Variants in NEMP2 observed in about 807,000 individuals in gnomAD.
NEMP2 encodes the protein nuclear envelope integral membrane protein 2.
NEMP2 carries 53 observed loss-of-function variants against 54.2 expected under a neutral mutation model. That is an observed-to-expected ratio of 0.98 (90% CI 0.78 to 1.23). The LOEUF is 1.23. Ranked by LOEUF, NEMP2 falls within the 50% of genes most tolerant of loss-of-function variation. The pLI is 0.00. For synonymous variants in NEMP2, 197 were observed against 190.3 expected (o/e 1.04, Z -0.29); for missense variants, 455 against 511.3 (o/e 0.89, Z 1.06).
the NEMP2 span, among the ~76,000 whole-genome samples, chr2:190,643,880 T>C: frequency 6.6e-6 from 1 of 152,138 alleles, no homozygotes; most frequent in Non-Finnish European, 1.5e-5. Context: ...AAAGCCATGA[T>C]TGTGCCACTG....
chr2:190,424,848 T>G, the NEMP2 span, among the ~76,000 whole-genome samples: 8 of 152,350 alleles, frequency 5.3e-5, no homozygotes, highest in African/African-American at 1.9e-4. The surrounding 1 kb of genome is among the most constrained non-coding windows in gnomAD (Gnocchi z 5.9). Flanking sequence ...TATATGATCT[T>G]TTTCAAAACT....
chr2:190,443,767 AT>A, the NEMP2 span, among the ~76,000 whole-genome samples: 3 of 152,318 alleles, frequency 2.0e-5, no homozygotes, highest in South Asian at 4.1e-4. This position sits in a 1 kb window ranked among gnomAD's most constrained non-coding sequence, Gnocchi z 4.2. Flanking sequence ...CTTCTTAAAG[AT>A]TAGTCTAGTC....
chr2:190,525,944 CA>C lies in NEMP2; in HGVS notation c.98-567del, dbSNP rs1690917787. Among the ~76,000 whole-genome samples the C allele has an allele frequency of 6.6e-6, 1 of 152,238 alleles. No homozygotes were observed. Among genetic ancestry groups the C allele is most frequent in the African/African-American group, 2.4e-5 (1 of 41,538 alleles). ...TACCATGTGGACTCCATCTTGAAAG[CA>C]GAGCATTGGAGGATTTTAGGTAAGT... On this transcript the variant is annotated intron_variant, in intron 1 of 8. Transcript: ENST00000409150. This position sits in a 1 kb window ranked among gnomAD's most constrained non-coding sequence, Gnocchi z 5.0.
chr2:190,438,876 A>G, the NEMP2 span, among the ~76,000 whole-genome samples: 1 of 152,166 alleles, frequency 6.6e-6, no homozygotes, highest in Non-Finnish European at 1.5e-5. The surrounding 1 kb of genome is among the most constrained non-coding windows in gnomAD (Gnocchi z 5.2). Context: ...CCATTTCTTT[A>G]AGCAATTGTG....
At chr2:190,517,993 T>C (rs992256611) in intron 4 of NEMP2, among the ~76,000 whole-genome samples, 2 of 152,198 alleles carry the variant, frequency 1.3e-5, no homozygotes, top group African/African-American at 4.8e-5. Flanking sequence ...ACAGCCCAGC[T>C]CGTCAGAGTC....
At chr2:190,568,479 A>G in the NEMP2 span, among the ~76,000 whole-genome samples, 2 of 152,326 alleles carry the variant, frequency 1.3e-5, no homozygotes, top group South Asian at 4.1e-4. The surrounding 1 kb of genome is among the most constrained non-coding windows in gnomAD (Gnocchi z 4.7). Flanking sequence ...AATCTTATAT[A>G]TATATGCCTC....
the NEMP2 span, among the ~76,000 whole-genome samples, chr2:190,606,822 T>C: frequency 6.6e-6 from 1 of 152,396 alleles, no homozygotes; most frequent in African/African-American, 2.4e-5. Flanking sequence ...GCCTTATTTA[T>C]ACAGATATGC....
At position 190,514,303 on chromosome 2, in the gene NEMP2, C is replaced by A; in HGVS notation, c.953+150G>T. 9 of 749,702 alleles carry A rather than the reference C, an allele frequency of 1.2e-5. No individual in the cohort carries two copies. The highest frequency in any genetic ancestry group is 2.0e-5 in the Non-Finnish European group (9 of 455,066). 46.4% of individuals were successfully genotyped at this position (749,702 alleles called of 1,614,324 possible). A position where few individuals can be genotyped will look rare whatever the true frequency, so the allele number is the denominator to read the frequency against. On this transcript the variant is annotated intron_variant, in intron 7 of 8. Transcript: ENST00000409150. The surrounding 1 kb of genome is among the most constrained non-coding windows in gnomAD (Gnocchi z 5.7). ...AAGATGGGATCAGATGCTTGGAGCT[C>A]TCTACCCCTACACCCCCAATCTTGC... is the stretch of plus-strand genomic sequence containing the variant.
chr2:190,600,457 G>T, the NEMP2 span, among the ~76,000 whole-genome samples: 387 of 152,266 alleles, frequency 2.5e-3, 9 homozygotes, highest in South Asian at 2.1e-3. The surrounding 1 kb of genome is among the most constrained non-coding windows in gnomAD (Gnocchi z 4.9). Flanking sequence ...CCCCAGTGTG[G>T]CCCTGTTGGG....
chr2:190,443,240 A>C, the NEMP2 span, among the ~76,000 whole-genome samples: 1 of 152,244 alleles, frequency 6.6e-6, no homozygotes, highest in East Asian at 1.9e-4. This position sits in a 1 kb window ranked among gnomAD's most constrained non-coding sequence, Gnocchi z 4.2. Context: ...GGTTACGAGC[A>C]GAGGCTGAGT....
the NEMP2 span, among the ~76,000 whole-genome samples, chr2:190,430,703 T>A: frequency 6.6e-6 from 1 of 150,668 alleles, no homozygotes; most frequent in East Asian, 2.0e-4. Context: ...CATGGCCCGT[T>A]CTCAATGAGC....
chr2:190,559,528 G>A, the NEMP2 span, among the ~76,000 whole-genome samples: 1 of 152,192 alleles, frequency 6.6e-6, no homozygotes, highest in Non-Finnish European at 1.5e-5. The surrounding 1 kb of genome is among the most constrained non-coding windows in gnomAD (Gnocchi z 4.0). Flanking sequence ...AGAGGATGAA[G>A]AAGAAGAGCC....
In NEMP2 at chr2:190,513,875, A is replaced by G. The variant is rs1409771524; in HGVS notation, c.953+578T>C. 6.6e-6 allele frequency among the ~76,000 whole-genome samples: 1 copy of G among 152,198 alleles called. No homozygotes were observed. Among genetic ancestry groups the G allele is most frequent in the Admixed American group, 6.5e-5 (1 of 15,272 alleles). ...CAAGTATACCTCAAGGGCAAGAACC[A>G]TCTCCATCTGTGCACCTGACATGAA... On this transcript the variant is annotated intron_variant, in intron 7 of 8. Coordinates refer to ENST00000409150, the MANE Select transcript of NEMP2 (RefSeq NM_001142645.2). The surrounding 1 kb of genome is among the most constrained non-coding windows in gnomAD (Gnocchi z 5.3).
At chr2:190,481,023 C>T in the NEMP2 span, among the ~76,000 whole-genome samples, 1 of 152,190 alleles carries the variant, frequency 6.6e-6, no homozygotes, top group East Asian at 1.9e-4. Flanking sequence ...TGTGGCTAGT[C>T]AGTGCACACT....
the NEMP2 span, among the ~76,000 whole-genome samples, chr2:190,578,708 TAGGG>T: frequency 6.6e-6 from 1 of 151,434 alleles, no homozygotes; most frequent in Non-Finnish European, 1.5e-5. This position sits in a 1 kb window ranked among gnomAD's most constrained non-coding sequence, Gnocchi z 4.4. Context: ...GAATGTGTGT[TAGGG>T]AGGGGTTTTA....
chr2:190,550,683 A>G, the NEMP2 span, among the ~76,000 whole-genome samples: 2 of 152,182 alleles, frequency 1.3e-5, no homozygotes, highest in African/African-American at 4.8e-5. The surrounding 1 kb of genome is among the most constrained non-coding windows in gnomAD (Gnocchi z 4.7). Context: ...CATTTTGTAC[A>G]AATGTAGCCT....
chr2:190,594,147 A>G, the NEMP2 span, among the ~76,000 whole-genome samples: 1 of 151,900 alleles, frequency 6.6e-6, no homozygotes, highest in Non-Finnish European at 1.5e-5. The surrounding 1 kb of genome is among the most constrained non-coding windows in gnomAD (Gnocchi z 5.6). Flanking sequence ...GTGAGCTTGA[A>G]CTCATCTTGG....
chr2:190,611,891 C>T, the NEMP2 span, among the ~76,000 whole-genome samples: 3 of 152,150 alleles, frequency 2.0e-5, no homozygotes, highest in Non-Finnish European at 4.4e-5. The surrounding 1 kb of genome is among the most constrained non-coding windows in gnomAD (Gnocchi z 5.4). Context: ...GAGCCTTGGA[C>T]CTAGGCAGAA....
downstream of NEMP2, chr2:190,502,428 A>G (rs763437350): frequency 6.6e-6 from 1 of 152,152 alleles, no homozygotes; most frequent in Non-Finnish European, 1.5e-5. The surrounding 1 kb of genome is among the most constrained non-coding windows in gnomAD (Gnocchi z 4.4). Context: ...TCTTTCTCCT[A>G]TGGTTGTAGA....
Sources: allele counts gnomAD v4.1 joint callset (sites outside exome capture counted in the v4.1 genomes callset), GRCh38; gene constraint gnomAD v4.1.1; non-coding constraint Gnocchi (gnomAD v3.1); transcripts MANE v1.5; gene names NCBI Gene and HGNC (gene_info 2026-07-23, HGNC 2026-07-21).